The following FAM227B variants were observed in gnomAD, a reference collection of about 807,000 sequenced individuals.
The protein encoded by FAM227B is family with sequence similarity 227 member B.
A neutral mutation model predicts 73.8 loss-of-function variants in FAM227B; 88 were observed. The ratio of observed to expected loss-of-function variants is 1.19; its 90% confidence interval spans 1.00 to 1.42. The LOEUF (loss-of-function observed/expected upper bound fraction) is 1.42, where lower values mean the gene tolerates loss of function less well. Among genes scored for constraint, FAM227B ranks in the 40% most tolerant of loss-of-function variants. The pLI, the probability that FAM227B is intolerant of heterozygous loss-of-function variation, is 0.00. For missense variants in FAM227B, 632 were observed against 590.9 expected (o/e 1.07, Z -0.72); for synonymous variants, 210 against 190.5 (o/e 1.10, Z -0.84).
chr15:49,489,134 C>T (rs2056660607), intron 11 of FAM227B: 1 of 363,022 alleles, frequency 2.8e-6, no homozygotes, highest in South Asian at 1.1e-4. Flanking sequence ...TCTGCCTACA[C>T]TCATGAGGAG....
rs569313785 is a variant in FAM227B, at chr15:49,614,986, C to T, written c.51+135G>A. The T allele has an allele frequency of 1.1e-4, 87 of 768,572 alleles. No homozygotes were observed. In the East Asian group the frequency reaches 1.6e-3, roughly 14 times the overall value. The allele number at this position is 768,572 out of a possible 1,614,324, so 47.6% of individuals were successfully genotyped here. On this transcript the variant is annotated intron_variant, in intron 2 of 15. Coordinates refer to ENST00000299338, the MANE Select transcript of FAM227B (RefSeq NM_152647.3). ...TCTCAGTGATTGGCCATCTGTGCAG[C>T]GAGCATTAAGACCTAGACCAAACCC...
At chr15:49,461,796 T>C (rs958020602) in intron 11 of FAM227B, among the ~76,000 whole-genome samples, 9 of 152,228 alleles carry the variant, frequency 5.9e-5, no homozygotes, top group African/African-American at 2.2e-4. Flanking sequence ...ATGGTACTGA[T>C]TTAATTTCAA....
At chr15:49,608,753 C>T (rs1049767446) in intron 3 of FAM227B, among the ~76,000 whole-genome samples, 2 of 151,900 alleles carry the variant, frequency 1.3e-5, no homozygotes, top group South Asian at 2.1e-4. Flanking sequence ...ACACAGATTA[C>T]GAATCTAACA....
At chr15:49,380,848 C>G (rs989892805) in intron 11 of FAM227B, among the ~76,000 whole-genome samples, 1 of 152,096 alleles carries the variant, frequency 6.6e-6, no homozygotes, top group East Asian at 1.9e-4. Context: ...GGCAGAAGCC[C>G]CTTGTGTTAG....
At chr15:49,550,014 A>AC (rs1300847348) in intron 9 of FAM227B, among the ~76,000 whole-genome samples, 1 of 71,968 alleles carries the variant, frequency 1.4e-5, no homozygotes, top group Non-Finnish European at 3.5e-5. Context: ...CAGGGGGCTG[A>AC]CCCCCCCACC....
rs551659411 is a variant in FAM227B at position 49,500,256 on chromosome 15, T to C, written c.1012+7955A>G. Among the ~76,000 whole-genome samples, 13 of 152,314 alleles carry C rather than the reference T, an allele frequency of 8.5e-5. No homozygotes were observed. The East Asian group carries it at 2.5e-3, about 29-fold the overall frequency. On this transcript the variant is annotated intron_variant, in intron 11 of 15. Transcript: ENST00000299338. ...GCATAAAATATATAAAGACCTCTTA[T>C]AACTCAATAAGAAGACAAACAACTC...
chr15:49,561,389 T>G (rs532155041), intron 9 of FAM227B, among the ~76,000 whole-genome samples: 2 of 152,244 alleles, frequency 1.3e-5, no homozygotes, highest in South Asian at 2.1e-4. Flanking sequence ...TATGGACCTA[T>G]GAAAAGACTT....
At chr15:49,466,844 C>T (rs1202760258) in intron 11 of FAM227B, among the ~76,000 whole-genome samples, 1 of 152,042 alleles carries the variant, frequency 6.6e-6, no homozygotes, top group Admixed American at 6.6e-5. Context: ...TTATTTCTGC[C>T]TCTTTTTCCT....
chr15:49,595,662 T>A (rs2076845039), intron 3 of FAM227B, among the ~76,000 whole-genome samples: 1 of 151,810 alleles, frequency 6.6e-6, no homozygotes, highest in Non-Finnish European at 1.5e-5. Flanking sequence ...GATGCTGAAT[T>A]TTGTACTCAA....
At chr15:49,550,456 G>T (rs2152306469) in intron 9 of FAM227B, among the ~76,000 whole-genome samples, 2 of 152,028 alleles carry the variant, frequency 1.3e-5, no homozygotes, top group South Asian at 4.2e-4. Context: ...CGGGGTGACT[G>T]CCAGGCGGAG....
Position 49,328,418 on chromosome 15 carries a change from A to T in FAM227B, c.*150T>A. On this transcript the variant is annotated 3_prime_UTR_variant, in exon 16 of 16. Coordinates refer to ENST00000299338, the MANE Select transcript of FAM227B (RefSeq NM_152647.3). The stretch of plus-strand genomic sequence containing the variant: ...TTTTAAGAATAACTTACTGAGATTT[A>T]TTGATTTGAAGATTTTAAAGATGAA... The T allele has an allele frequency of 7.0e-7, 1 of 1,436,188 alleles. No homozygotes were observed. The highest frequency in any genetic ancestry group is 2.5e-5 in the East Asian group (1 of 40,666). The allele number at this position is 1,436,188 out of a possible 1,614,324, so 89.0% of individuals were successfully genotyped here. A position where few individuals can be genotyped will look rare whatever the true frequency, so the allele number is the denominator to read the frequency against.
rs2045379259 is a variant in FAM227B, at chr15:49,367,357, CAATTT to C, written c.1271+86_1271+90del. The C allele has an allele frequency of 4.4e-6, 5 of 1,144,392 alleles. No homozygotes were observed. The Admixed American group carries it at 1.4e-4, about 32-fold the overall frequency. The allele number at this position is 1,144,392 out of a possible 1,614,324, so 70.9% of individuals were successfully genotyped here. ...CAGAAGCATTGATAAAACATGCATTCAATTTGTTTCTCAATTGAGACATTCAGTGA... is the reference window on the plus strand; with the variant it reads ...CAGAAGCATTGATAAAACATGCATTCGTTTCTCAATTGAGACATTCAGTGA... On this transcript the variant is annotated intron_variant, in intron 13 of 15. Coordinates refer to ENST00000299338, the MANE Select transcript of FAM227B (RefSeq NM_152647.3).
chr15:49,327,903 C>A lies in FAM227B; in HGVS notation c.*665G>T. Reference sequence around the variant, plus strand: ...TGTTCTACAAACACCAAGCAAATCCCTTGTATTTTCATTTATAGGTTCTAA... The same window carrying A: ...TGTTCTACAAACACCAAGCAAATCCATTGTATTTTCATTTATAGGTTCTAA... On this transcript the variant is annotated 3_prime_UTR_variant, in exon 16 of 16. Coordinates refer to ENST00000299338, the MANE Select transcript of FAM227B (RefSeq NM_152647.3). The A allele has an allele frequency of 6.4e-7, 1 of 1,557,798 alleles. No individual in the cohort carries two copies. The highest frequency in any genetic ancestry group is 8.7e-7 in the Non-Finnish European group (1 of 1,143,764).
chr15:49,428,742 C>A (rs1298539275), intron 11 of FAM227B, among the ~76,000 whole-genome samples: 3 of 152,014 alleles, frequency 2.0e-5, no homozygotes, highest in Admixed American at 1.3e-4. Context: ...TAGTCAATAT[C>A]ATCTACTCCT....
intron 10 of FAM227B, among the ~76,000 whole-genome samples, chr15:49,540,975 A>C (rs906466040): frequency 1.5e-4 from 23 of 152,302 alleles, no homozygotes; most frequent in African/African-American, 5.1e-4. Context: ...TTTTCTTATA[A>C]AAGTGATTTG....
At chr15:49,607,318 T>C (rs900270325) in intron 3 of FAM227B, among the ~76,000 whole-genome samples, 3 of 152,180 alleles carry the variant, frequency 2.0e-5, no homozygotes, top group Non-Finnish European at 2.9e-5. Context: ...ATGTGTATCT[T>C]AAATAAGACG....
intron 13 of FAM227B, among the ~76,000 whole-genome samples, chr15:49,358,654 C>A (rs1231079569): frequency 4.0e-5 from 6 of 149,996 alleles, no homozygotes; most frequent in Non-Finnish European, 8.9e-5. Flanking sequence ...TGAAAATGGC[C>A]ATACAGCCCA....
intron 11 of FAM227B, among the ~76,000 whole-genome samples, chr15:49,383,671 T>C (rs2046686041): frequency 6.6e-6 from 1 of 152,014 alleles, no homozygotes; most frequent in Non-Finnish European, 1.5e-5. Flanking sequence ...TCTAACAGAA[T>C]GACAGATGAA....
intron 5 of FAM227B, among the ~76,000 whole-genome samples, chr15:49,585,872 C>G (rs1419617401): frequency 6.6e-6 from 1 of 151,888 alleles, no homozygotes; most frequent in Non-Finnish European, 1.5e-5. Context: ...GAAAAGAAAT[C>G]AGAGATGATA....
Sources: allele counts gnomAD v4.1 joint callset (sites outside exome capture counted in the v4.1 genomes callset), GRCh38; gene constraint gnomAD v4.1.1; transcripts MANE v1.5; gene names NCBI Gene and HGNC (gene_info 2026-07-23, HGNC 2026-07-21).